The following ACBD5 variants were observed in gnomAD, a reference collection of about 807,000 sequenced individuals.
The protein encoded by ACBD5 is acyl-CoA binding domain containing 5.
A neutral mutation model predicts 71.8 loss-of-function variants in ACBD5; 40 were observed. The ratio of observed to expected loss-of-function variants is 0.56; its 90% confidence interval spans 0.43 to 0.72. The LOEUF (loss-of-function observed/expected upper bound fraction) is 0.72, where lower values mean the gene tolerates loss of function less well. Among genes scored for constraint, ACBD5 ranks in the 30% least tolerant of loss-of-function variants. The pLI is 0.00. For synonymous variants in ACBD5, 229 were observed against 218.6 expected (o/e 1.05, Z -0.42); for missense variants, 559 against 644.5 (o/e 0.87, Z 1.44).
chr10:27,240,865 C>A (rs1269632835), upstream of ACBD5: 47 of 935,094 alleles, frequency 5.0e-5, no homozygotes, highest in African/African-American at 6.6e-5. This position sits in a 1 kb window ranked among gnomAD's most constrained non-coding sequence, Gnocchi z 4.1. Flanking sequence ...CCGCCGCCGC[C>A]GCAGCAGCAG....
downstream of ACBD5, among the ~76,000 whole-genome samples, chr10:27,191,398 T>C (rs1004696588): frequency 3.9e-5 from 6 of 152,134 alleles, no homozygotes; most frequent in Admixed American, 3.9e-4. Flanking sequence ...TTGTCAAAAC[T>C]CATAGGATGT....
Position 27,196,683 on chromosome 10 carries a change from T to C in ACBD5, c.*747A>G. On this transcript the variant is annotated 3_prime_UTR_variant, in exon 13 of 13. Transcript: ENST00000396271. ...ATTACAAAGGAATACATTTATATGA[T>C]TGAATAAAAACCTGATTAATCATCT... The C allele has an allele frequency of 2.2e-6, 1 of 454,504 alleles. No individual in the cohort carries two copies. The highest frequency in any genetic ancestry group is 1.6e-5 in the South Asian group (1 of 64,470). 28.2% of individuals were successfully genotyped at this position (454,504 alleles called of 1,614,324 possible). A position where few individuals can be genotyped will look rare whatever the true frequency, so the allele number is the denominator to read the frequency against.
At chr10:27,205,722 T>C (rs535043209) in intron 10 of ACBD5, among the ~76,000 whole-genome samples, 9 of 151,350 alleles carry the variant, frequency 5.9e-5, no homozygotes, top group Non-Finnish European at 1.2e-4. Context: ...GGCACCATAG[T>C]TGTCACTATG....
At chr10:27,242,042 G>T (rs756912840), upstream of ACBD5, 5 of 453,386 alleles carry the variant, frequency 1.1e-5, no homozygotes, top group South Asian at 7.8e-5. Flanking sequence ...CCTCTGAGCC[G>T]CGGCGCCGGC....
At chr10:27,230,343 A>G (rs766044004) in intron 4 of ACBD5, among the ~76,000 whole-genome samples, 16 of 152,142 alleles carry the variant, frequency 1.1e-4, no homozygotes, top group Non-Finnish European at 1.8e-4. Context: ...TCTAGTAATA[A>G]CAAATAAAAA....
intron 4 of ACBD5, among the ~76,000 whole-genome samples, chr10:27,226,862 C>T (rs926366694): frequency 2.6e-5 from 4 of 151,804 alleles, no homozygotes; most frequent in Non-Finnish European, 5.9e-5. Flanking sequence ...CCATGTTACC[C>T]AGGCTGGTGT....
In ACBD5 at chr10:27,210,881, G is replaced by A. The variant is rs746002234; in HGVS notation, c.1137C>T (p.Ser379=). The change falls in exon 9 of 13, where the codon AGC becomes AGT. Residue 379 remains serine (S), a synonymous_variant. Coordinates refer to ENST00000396271, the MANE Select transcript of ACBD5 (RefSeq NM_145698.5). ...KHGGEDGRNN[S]GAPHREKRGG... ...CTCGCTTCTCCCGGTGTGGTGCTCCGCTGTTATTCCTGCCATCTTCTCCTC... is the reference window on the plus strand; with the variant it reads ...CTCGCTTCTCCCGGTGTGGTGCTCCACTGTTATTCCTGCCATCTTCTCCTC... 20 of 1,614,030 alleles carry A rather than the reference G, an allele frequency of 1.2e-5. No individual in the cohort carries two copies. The highest frequency in any genetic ancestry group is 1.7e-5 in the Admixed American group (1 of 59,986).
intron 4 of ACBD5, among the ~76,000 whole-genome samples, chr10:27,226,796 C>T (rs1423206960): frequency 6.6e-6 from 1 of 151,778 alleles, no homozygotes; most frequent in African/African-American, 2.4e-5. Flanking sequence ...AGACTATAGG[C>T]ATGCACCACC....
At chr10:27,231,242 C>T (rs1191584345) in intron 4 of ACBD5, among the ~76,000 whole-genome samples, 2 of 152,092 alleles carry the variant, frequency 1.3e-5, no homozygotes, top group African/African-American at 2.4e-5. Flanking sequence ...ACAGGCTAGG[C>T]GCAGTGGCTC....
At chr10:27,241,181 T>G (rs2065459433), upstream of ACBD5, among the ~76,000 whole-genome samples, 2 of 152,128 alleles carry the variant, frequency 1.3e-5, no homozygotes, top group African/African-American at 4.8e-5. Flanking sequence ...GCGCCTGCAC[T>G]CTCCTAAGTT....
chr10:27,241,394 GC>G (rs2065475985), upstream of ACBD5, among the ~76,000 whole-genome samples: 4 of 152,260 alleles, frequency 2.6e-5, no homozygotes, highest in South Asian at 8.3e-4. Flanking sequence ...GCAGTCCCTG[GC>G]CCGCAGGTCT....
At chr10:27,200,597 G>A (rs989906999) in intron 12 of ACBD5, among the ~76,000 whole-genome samples, 4 of 151,616 alleles carry the variant, frequency 2.6e-5, no homozygotes, top group Non-Finnish European at 1.5e-5. Context: ...GGTGCCTCCC[G>A]AGTAGCTGGG....
At chr10:27,205,024 G>A (rs1173814098) in intron 11 of ACBD5, among the ~76,000 whole-genome samples, 174 bp downstream of exon 11, 3 of 152,110 alleles carry the variant, frequency 2.0e-5, no homozygotes, top group African/African-American at 7.2e-5. Flanking sequence ...CTACTCGGGA[G>A]GCTGAGGCAG....
At chr10:27,194,802 C>T (rs1178554773), downstream of ACBD5, among the ~76,000 whole-genome samples, 1 of 151,648 alleles carries the variant, frequency 6.6e-6, no homozygotes, top group East Asian at 1.9e-4. Context: ...TGGAAACCAT[C>T]CTGGCCAACG....
At chr10:27,230,711 C>T (rs1430504938) in intron 4 of ACBD5, among the ~76,000 whole-genome samples, 7 of 142,088 alleles carry the variant, frequency 4.9e-5, no homozygotes, top group Non-Finnish European at 9.1e-5. Context: ...GCAGGAGAAT[C>T]TCTTGAACCC....
intron 2 of ACBD5, among the ~76,000 whole-genome samples, chr10:27,237,090 G>A (rs1472782512): frequency 1.3e-5 from 2 of 151,990 alleles, no homozygotes; most frequent in African/African-American, 2.4e-5. Flanking sequence ...AAAAAATGGA[G>A]AAACCACAGT....
downstream of ACBD5, chr10:27,193,297 CT>C (rs2059160381): frequency 6.6e-6 from 1 of 151,654 alleles, no homozygotes; most frequent in African/African-American, 2.4e-5. Flanking sequence ...GGCAACGTGT[CT>C]GGCACCTGTA....
intron 13 of ACBD5, chr10:27,187,019 A>C: frequency 4.8e-6 from 1 of 208,434 alleles, no homozygotes; most frequent in Non-Finnish European, 9.7e-6. Context: ...TGCAGCTGGA[A>C]GGCCGGGCGC....
rs7902034 is a variant in ACBD5, at chr10:27,219,440, T to C, written c.625+283A>G. Among the ~76,000 whole-genome samples the C allele has an allele frequency of 0.78, 118,289 of 152,224 alleles. 46,251 individuals carry two copies. Among genetic ancestry groups the C allele is most frequent in the African/African-American group, 0.87 (35,945 of 41,552 alleles). On this transcript the variant is annotated intron_variant, in intron 6 of 12. Coordinates refer to ENST00000396271, the MANE Select transcript of ACBD5 (RefSeq NM_145698.5). ...TGCAGATTCATGTTGGGAACAACAC[T>C]TTAAAATAGCACATGTCTAATGCAG...
Sources: allele counts gnomAD v4.1 joint callset (sites outside exome capture counted in the v4.1 genomes callset), GRCh38; gene constraint gnomAD v4.1.1; non-coding constraint Gnocchi (gnomAD v3.1); transcripts MANE v1.5; gene names NCBI Gene and HGNC (gene_info 2026-07-23, HGNC 2026-07-21).